SPIDR: variants seen among roughly 807,000 people sequenced by gnomAD.
The protein encoded by SPIDR is scaffold protein involved in DNA repair.
Under a neutral mutation model 104.6 loss-of-function variants are expected in SPIDR, and 93 were observed. The ratio of observed to expected loss-of-function variants is 0.89; its 90% confidence interval spans 0.75 to 1.06. The LOEUF (loss-of-function observed/expected upper bound fraction) is 1.06. SPIDR is among the 50% of genes least tolerant of loss of function. The pLI is 0.00. For missense variants in SPIDR, 1,154 were observed against 1,111.2 expected, an observed-to-expected ratio of 1.04 and a Z score of -0.55; for synonymous variants, 431 against 416.9, an observed-to-expected ratio of 1.03 and a Z score of -0.41.
rs2046338346 is a variant in SPIDR, at chr8:47,320,488, A to G, written c.525+26458A>G. Among the ~76,000 whole-genome samples the G allele has an allele frequency of 3.3e-5, 5 of 152,334 alleles. No homozygotes were observed. In the South Asian group the frequency reaches 8.3e-4, roughly 25 times the overall value. On this transcript the variant is annotated intron_variant, in intron 5 of 19. Coordinates refer to ENST00000297423, the MANE Select transcript of SPIDR (RefSeq NM_001080394.4). ...CCAAACAAAAAAAGTCCAGGACTGG[A>G]TGAATTTACAGCCGAATTCTACCAG...
chr8:47,327,314 A>G (rs1331894716), intron 5 of SPIDR, among the ~76,000 whole-genome samples: 2 of 150,446 alleles, frequency 1.3e-5, no homozygotes, highest in East Asian at 1.9e-4. Context: ...AGAATGATCT[A>G]TATATTCTGG....
intron 5 of SPIDR, among the ~76,000 whole-genome samples, chr8:47,392,876 G>C (rs1554653293): frequency 1.3e-5 from 2 of 152,128 alleles, no homozygotes; most frequent in African/African-American, 4.8e-5. Flanking sequence ...TTCTTACCAA[G>C]GTCCCATGGA....
In SPIDR at chr8:47,558,615, T is replaced by A. The variant is rs550491439; in HGVS notation, c.1098-37196T>A. 3.5e-5 allele frequency among the ~76,000 whole-genome samples: 5 copies of A among 142,292 alleles called. No individual in the cohort carries two copies. In the East Asian group the frequency reaches 1.1e-3, roughly 30 times the overall value. 93.3% of individuals were successfully genotyped at this position (142,292 alleles called of 152,430 possible). ...GGTGATTGTCTTCACAAACCCTGGA[T>A]AAGTATCTAGCTTCACCTTTTTTTT... is the stretch of plus-strand genomic sequence containing the variant. On this transcript the variant is annotated intron_variant, in intron 8 of 19. Coordinates refer to ENST00000297423, the MANE Select transcript of SPIDR (RefSeq NM_001080394.4).
chr8:47,435,654 G>A (rs891710103), intron 7 of SPIDR, among the ~76,000 whole-genome samples: 1 of 152,092 alleles, frequency 6.6e-6, no homozygotes, highest in African/African-American at 2.4e-5. Flanking sequence ...TTGATGATTA[G>A]CACTTGACAA....
rs2075397997 is a variant in SPIDR at position 47,668,968 on chromosome 8, T to C, written c.1545-4833T>C. On this transcript the variant is annotated intron_variant, in intron 10 of 19. Transcript: ENST00000297423. ...AAGTACCCCACCAAGAAAAGATTTA[T>C]CTACCAGTCACTCTACCATGCCCTA... Among the ~76,000 whole-genome samples, 3 of 152,228 alleles carry C rather than the reference T, an allele frequency of 2.0e-5. No homozygotes were observed. The South Asian group carries it at 6.2e-4, about 32-fold the overall frequency.
chr8:47,494,474 A>AAAT (rs1041383558), intron 8 of SPIDR, among the ~76,000 whole-genome samples: 2 of 152,148 alleles, frequency 1.3e-5, no homozygotes, highest in African/African-American at 2.4e-5. Context: ...TAGTGTAAAT[A>AAAT]AATATTTTAA....
At chr8:47,321,612 A>T (rs554572587) in intron 5 of SPIDR, among the ~76,000 whole-genome samples, 1 of 152,304 alleles carries the variant, frequency 6.6e-6, no homozygotes, top group East Asian at 1.9e-4. Context: ...TTCATATGGA[A>T]CCAAAAAAGA....
In SPIDR at chr8:47,311,965, C is replaced by T. The variant is rs1409753187; in HGVS notation, c.525+17935C>T. On this transcript the variant is annotated intron_variant, in intron 5 of 19. Coordinates refer to ENST00000297423, the MANE Select transcript of SPIDR (RefSeq NM_001080394.4). The stretch of plus-strand genomic sequence containing the variant: ...GTTCCCACCTATGAGTGAGAACATG[C>T]GGTGTTTGGTTTTTTGTCCTTGCGA... Among the ~76,000 whole-genome samples, 94 of 152,140 alleles carry T rather than the reference C, an allele frequency of 6.2e-4. 1 individual carries two copies. The highest frequency in any genetic ancestry group is 1.1e-3 in the African/African-American group (45 of 41,496).
chr8:47,389,474 G>C (rs1332258540), intron 5 of SPIDR, among the ~76,000 whole-genome samples: 2 of 151,968 alleles, frequency 1.3e-5, no homozygotes, highest in Non-Finnish European at 2.9e-5. Context: ...CAGATCACGA[G>C]GTCAGGAGAT....
At chr8:47,344,932 G>C (rs1466747268) in intron 5 of SPIDR, among the ~76,000 whole-genome samples, 3 of 152,202 alleles carry the variant, frequency 2.0e-5, no homozygotes, top group Non-Finnish European at 2.9e-5. Context: ...TGTTCACTCT[G>C]ATGGTAGTTT....
At chr8:47,485,550 C>T (rs1554730496) in intron 8 of SPIDR, among the ~76,000 whole-genome samples, 1 of 152,342 alleles carries the variant, frequency 6.6e-6, no homozygotes, top group South Asian at 2.1e-4. Context: ...GGACAGACTG[C>T]CTCCTCAAGT....
chr8:47,635,787 T>G (rs1397968991), intron 10 of SPIDR, among the ~76,000 whole-genome samples: 1 of 152,164 alleles, frequency 6.6e-6, no homozygotes, highest in Non-Finnish European at 1.5e-5. Context: ...GTGAAGGTGC[T>G]TCTGACCTCT....
chr8:47,552,322 T>C (rs2090635880), intron 8 of SPIDR, among the ~76,000 whole-genome samples: 1 of 152,210 alleles, frequency 6.6e-6, no homozygotes, highest in Non-Finnish European at 1.5e-5. Flanking sequence ...GACCTGGATA[T>C]CCTTGTTTAC....
At position 47,265,235 on chromosome 8, in the gene SPIDR, G is replaced by T. The variant is rs934444407; in HGVS notation, c.33+4244G>T. ...GAGACAGTCTTACTCTGTCGCCCAG[G>T]CTGGGGTGCAGGGGTGCTATCATGG... On this transcript the variant is annotated intron_variant, in intron 1 of 19. Transcript: ENST00000297423. Among the ~76,000 whole-genome samples, 3 of 147,734 alleles carry T rather than the reference G, an allele frequency of 2.0e-5. No individual in the cohort carries two copies. In the South Asian group the frequency reaches 6.5e-4, roughly 32 times the overall value.
rs373571467 is a variant in SPIDR at position 47,419,492 on chromosome 8, A to G, written c.877+11531A>G. 1.8e-4 allele frequency among the ~76,000 whole-genome samples: 28 copies of G among 152,116 alleles called. 1 individual carries two copies. The highest frequency in any genetic ancestry group is 7.2e-5 in the African/African-American group (3 of 41,504). ...CCCTTTATCAATTTTTATTGCGTCT[A>G]TTTGATTCTTCTCTCTTTTCTTCTT... On this transcript the variant is annotated intron_variant, in intron 7 of 19. Transcript: ENST00000297423.
At chr8:47,339,651 T>C (rs1364046906) in intron 5 of SPIDR, among the ~76,000 whole-genome samples, 3 of 151,970 alleles carry the variant, frequency 2.0e-5, no homozygotes, top group Non-Finnish European at 4.4e-5. Context: ...GCTGAATACA[T>C]GTTGAGCATA....
In SPIDR at chr8:47,544,960, C is replaced by G. The variant is rs574317839; in HGVS notation, c.1098-50851C>G. 1.5e-4 allele frequency among the ~76,000 whole-genome samples: 23 copies of G among 152,224 alleles called. No individual in the cohort carries two copies. In the South Asian group the frequency reaches 4.6e-3, roughly 30 times the overall value. On this transcript the variant is annotated intron_variant, in intron 8 of 19. Transcript: ENST00000297423. The stretch of plus-strand genomic sequence containing the variant: ...CTTTCAGTTCATGAACACAGTATGA[C>G]TCTTCATTTGTATGATTCTTCTTTT...
intron 8 of SPIDR, among the ~76,000 whole-genome samples, chr8:47,449,224 A>AG (rs1337121492): frequency 2.0e-5 from 3 of 152,222 alleles, no homozygotes; most frequent in Non-Finnish European, 2.9e-5. Context: ...AAGACAACTA[A>AG]GTCTTTGGCT....
At chr8:47,451,398 A>G (rs1246173173) in intron 8 of SPIDR, among the ~76,000 whole-genome samples, 1 of 152,090 alleles carries the variant, frequency 6.6e-6, no homozygotes, top group Non-Finnish European at 1.5e-5. Flanking sequence ...CCTGCGCACC[A>G]TGAAGAAACC....
Sources: gnomAD v4.1 joint callset for allele counts (sites outside exome capture counted in the v4.1 genomes callset) on GRCh38, gnomAD v4.1.1 for gene constraint, MANE v1.5 for transcripts, NCBI Gene and HGNC (gene_info 2026-07-23, HGNC 2026-07-21) for gene names.